Variants in OPCML observed in about 807,000 individuals in gnomAD.
OPCML encodes opioid binding protein/cell adhesion molecule like, also known as opioid-binding protein/cell adhesion molecule.
A neutral mutation model predicts 37.8 loss-of-function variants in OPCML; 13 were observed. That is an observed-to-expected ratio of 0.34 (90% confidence interval 0.22 to 0.55). OPCML has a LOEUF of 0.55. Among genes scored for constraint, OPCML ranks in the 20% least tolerant of loss-of-function variants. OPCML has a pLI of 0.91. For synonymous variants in OPCML, 176 were observed against 168.8 expected, an observed-to-expected ratio of 1.04 and a Z score of -0.33; for missense variants, 341 against 435.6, an observed-to-expected ratio of 0.78 and a Z score of 1.93.
At chr11:133,366,949 C>T (rs1944554028) in intron 1 of OPCML, among the ~76,000 whole-genome samples, 1 of 152,144 alleles carries the variant, frequency 6.6e-6, no homozygotes, top group African/African-American at 2.4e-5. Context: ...ACTCACCCCT[C>T]ATGTCTTCTC....
intron 1 of OPCML, chr11:133,298,773 C>T (rs1178690775): frequency 6.6e-6 from 1 of 152,172 alleles, no homozygotes; most frequent in Non-Finnish European, 1.5e-5. Flanking sequence ...ACTTTCTTCT[C>T]AGGCAGCTAC....
chr11:132,700,764 T>C (rs1943776093), intron 2 of OPCML, among the ~76,000 whole-genome samples: 1 of 152,156 alleles, frequency 6.6e-6, no homozygotes, highest in African/African-American at 2.4e-5. Flanking sequence ...CTGCTGCTGA[T>C]GGATGAAATG....
chr11:132,530,852 A>G (rs1260870639), intron 3 of OPCML, among the ~76,000 whole-genome samples: 1 of 152,002 alleles, frequency 6.6e-6, no homozygotes. Context: ...CACTCCTATA[A>G]CTTTTCTATT....
chr11:133,099,740 C>A (rs948754085), intron 1 of OPCML, among the ~76,000 whole-genome samples: 2 of 152,042 alleles, frequency 1.3e-5, no homozygotes, highest in African/African-American at 4.8e-5. Flanking sequence ...CTGTTCATGT[C>A]CTTTGCCCAT....
At chr11:133,307,930 G>T (rs1477219974) in intron 1 of OPCML, among the ~76,000 whole-genome samples, 1 of 151,484 alleles carries the variant, frequency 6.6e-6, no homozygotes, top group Non-Finnish European at 1.5e-5. Context: ...ATCAAAAGTT[G>T]TATACCTTTT....
chr11:132,893,496 C>T lies in OPCML; in HGVS notation c.146+49430G>A, dbSNP rs185063736. Reference sequence around the variant, plus strand: ...GTGTGTAGTCTCCTTGTAGTTAGTTCCTCCATCTAGTCTAGAGGTGAGAAA... The same window carrying T: ...GTGTGTAGTCTCCTTGTAGTTAGTTTCTCCATCTAGTCTAGAGGTGAGAAA... On this transcript the variant is annotated intron_variant, in intron 2 of 7. Transcript: ENST00000524381. 2.1e-3 allele frequency among the ~76,000 whole-genome samples: 319 copies of T among 152,126 alleles called. 1 individual carries two copies. The highest frequency in any genetic ancestry group is 7.3e-3 in the African/African-American group (301 of 41,494).
At chr11:132,923,091 TA>T (rs1254190569) in intron 2 of OPCML, among the ~76,000 whole-genome samples, 13 of 102,888 alleles carry the variant, frequency 1.3e-4, no homozygotes, top group African/African-American at 3.6e-4. Context: ...AATAAATAAA[TA>T]AATAATAATA....
At chr11:132,559,517 G>C (rs1479373093) in intron 3 of OPCML, among the ~76,000 whole-genome samples, 1 of 152,132 alleles carries the variant, frequency 6.6e-6, no homozygotes, top group African/African-American at 2.4e-5. Context: ...CTTGCCGCTG[G>C]GGGGCATTCT....
intron 2 of OPCML, among the ~76,000 whole-genome samples, chr11:132,748,148 C>T (rs1013052808): frequency 1.3e-5 from 2 of 150,294 alleles, no homozygotes; most frequent in Non-Finnish European, 2.9e-5. Context: ...GAAAAGTTAT[C>T]ATAACAGATT....
intron 3 of OPCML, among the ~76,000 whole-genome samples, chr11:132,551,457 T>C (rs760920865): frequency 6.6e-6 from 1 of 152,246 alleles, no homozygotes; most frequent in Non-Finnish European, 1.5e-5. Flanking sequence ...GGGACTAGAC[T>C]GCCTTTGTAG....
intron 1 of OPCML, among the ~76,000 whole-genome samples, chr11:133,109,805 G>A (rs1484210143): frequency 6.6e-6 from 1 of 152,174 alleles, no homozygotes; most frequent in African/African-American, 2.4e-5. Flanking sequence ...AAAGGGAGGT[G>A]AGTCATTGCA....
rs191148081 is a variant in OPCML at position 132,419,019 on chromosome 11, G to T, written c.*1174C>A. 1.3e-5 allele frequency: 2 copies of T among 152,776 alleles called. No individual in the cohort carries two copies. The highest frequency in any genetic ancestry group is 6.5e-5 in the Admixed American group (1 of 15,300). 9.5% of individuals were successfully genotyped at this position (152,776 alleles called of 1,614,324 possible). On this transcript the variant is annotated 3_prime_UTR_variant, in exon 8 of 8. Coordinates refer to ENST00000524381, the MANE Select transcript of OPCML (RefSeq NM_001012393.5). ...TTGCTACTTTGGCCTATCTGTTAGT[G>T]TCTCCCTTGGGTGGATAGGATACCA...
chr11:133,232,904 A>G (rs1341155810), intron 1 of OPCML, among the ~76,000 whole-genome samples: 1 of 152,190 alleles, frequency 6.6e-6, no homozygotes, highest in East Asian at 1.9e-4. Flanking sequence ...TGAGCAAAGC[A>G]TTTGCAGTTA....
chr11:132,613,466 T>G (rs1366544417), intron 3 of OPCML, among the ~76,000 whole-genome samples: 1 of 152,246 alleles, frequency 6.6e-6, no homozygotes, highest in Admixed American at 6.5e-5. Context: ...TAATTGATTT[T>G]ATATACCTAA....
intron 3 of OPCML, among the ~76,000 whole-genome samples, chr11:132,560,210 C>CA (rs1456735627): frequency 2.6e-4 from 40 of 152,312 alleles, no homozygotes; most frequent in African/African-American, 9.4e-4. Context: ...TGTGACTCCA[C>CA]ACATGCAACT....
At position 132,419,706 on chromosome 11, in the gene OPCML, G is replaced by T. The variant is rs140817622; in HGVS notation, c.*487C>A. Reference sequence around the variant, plus strand: ...ATGGAATTAGATAATAATTAACATGGATGGGGGCATATGTACATTGTCATT... The same window carrying T: ...ATGGAATTAGATAATAATTAACATGTATGGGGGCATATGTACATTGTCATT... On this transcript the variant is annotated 3_prime_UTR_variant, in exon 8 of 8. Coordinates refer to ENST00000524381, the MANE Select transcript of OPCML (RefSeq NM_001012393.5). 26 of 154,456 alleles carry T rather than the reference G, an allele frequency of 1.7e-4. No individual in the cohort carries two copies. Among genetic ancestry groups the T allele is most frequent in the Non-Finnish European group, 3.3e-4 (23 of 69,754 alleles). The allele number at this position is 154,456 out of a possible 1,614,324, so 9.6% of individuals were successfully genotyped here. A position where few individuals can be genotyped will look rare whatever the true frequency, so the allele number is the denominator to read the frequency against.
rs995675174 is a variant in OPCML, at chr11:132,855,626, C to T, written c.146+87300G>A. ...ACATTTTAGCCATGTGAGTGAGCTA[C>T]TGTGGAAGCTATTCCTCCAGCCCTG... On this transcript the variant is annotated intron_variant, in intron 2 of 7. Coordinates refer to ENST00000524381, the MANE Select transcript of OPCML (RefSeq NM_001012393.5). Among the ~76,000 whole-genome samples, 4 of 152,172 alleles carry T rather than the reference C, an allele frequency of 2.6e-5. No individual in the cohort carries two copies. The East Asian group carries it at 5.8e-4, about 22-fold the overall frequency.
intron 3 of OPCML, among the ~76,000 whole-genome samples, chr11:132,575,229 A>G (rs1316085113): frequency 6.6e-6 from 1 of 152,008 alleles, no homozygotes; most frequent in African/African-American, 2.4e-5. Context: ...CAGCCACTCA[A>G]TGCGTTTTGA....
intron 1 of OPCML, among the ~76,000 whole-genome samples, chr11:133,139,373 T>A (rs11223371): frequency 6.6e-6 from 1 of 152,114 alleles, no homozygotes; most frequent in African/African-American, 2.4e-5. Flanking sequence ...TTAACCTTCC[T>A]GTAAGCTCTA....
Sources: gnomAD v4.1 joint callset for allele counts (sites outside exome capture counted in the v4.1 genomes callset) on GRCh38, gnomAD v4.1.1 for gene constraint, MANE v1.5 for transcripts, NCBI Gene and HGNC (gene_info 2026-07-23, HGNC 2026-07-21) for gene names.